Variants in SOX6 observed in about 807,000 individuals in gnomAD.
SOX6 encodes SRY-box transcription factor 6, also known as transcription factor SOX-6.
SOX6 carries 11 observed loss-of-function variants against 97.8 expected under a neutral mutation model. The observed-to-expected ratio is 0.11, with a 90% confidence interval of 0.07 to 0.19. The LOEUF (loss-of-function observed/expected upper bound fraction) is 0.19. SOX6 is among the 10% of genes least tolerant of loss of function. SOX6 has a pLI of 1.00. For missense variants in SOX6, 810 were observed against 1,039.5 expected, an observed-to-expected ratio of 0.78 and a Z score of 3.04; for synonymous variants, 360 against 371.4, an observed-to-expected ratio of 0.97 and a Z score of 0.35.
At chr11:16,519,542 G>A (rs1253033254) in intron 4 of SOX6, among the ~76,000 whole-genome samples, 3 of 151,756 alleles carry the variant, frequency 2.0e-5, no homozygotes, top group African/African-American at 7.3e-5. Context: ...CTTTTTTATG[G>A]CTCAGTAGTA....
At chr11:16,681,343 G>A (rs1237571928) in intron 3 of SOX6, among the ~76,000 whole-genome samples, 1 of 152,092 alleles carries the variant, frequency 6.6e-6, no homozygotes, top group Non-Finnish European at 1.5e-5. Flanking sequence ...ACTGAACAAC[G>A]TGCTTCTGAA....
intron 2 of SOX6, among the ~76,000 whole-genome samples, chr11:16,337,917 T>G (rs990705802): frequency 6.6e-6 from 1 of 152,094 alleles, no homozygotes; most frequent in East Asian, 1.9e-4. Context: ...TTTTCACATT[T>G]AAAGATTTTT....
chr11:16,084,282 A>C (rs1848532975), intron 9 of SOX6, among the ~76,000 whole-genome samples: 1 of 152,098 alleles, frequency 6.6e-6, no homozygotes, highest in African/African-American at 2.4e-5. Context: ...CTATCACCTT[A>C]AAGTATTACT....
intron 15 of SOX6, among the ~76,000 whole-genome samples, chr11:15,977,565 G>T (rs1029585113): frequency 2.6e-5 from 4 of 151,414 alleles, no homozygotes; most frequent in Non-Finnish European, 5.9e-5. Flanking sequence ...CAATTCCATG[G>T]TTACTCACTC....
chr11:16,478,040 T>C (rs1231752742), upstream of SOX6, among the ~76,000 whole-genome samples: 1 of 152,198 alleles, frequency 6.6e-6, no homozygotes, highest in Non-Finnish European at 1.5e-5. Flanking sequence ...TCCAAAACCA[T>C]CAAAGAGTAC....
At position 16,529,592 on chromosome 11, in the gene SOX6, C is replaced by G. The variant is rs184552128; in HGVS notation, n.610-53204G>C. Reference sequence around the variant, plus strand: ...ATGTTGCTATCCAGCTAACCACTCACAATCTTCCAGTAAAATAAATAAGCT... The same window carrying G: ...ATGTTGCTATCCAGCTAACCACTCAGAATCTTCCAGTAAAATAAATAAGCT... On this transcript the variant is annotated intron_variant and non_coding_transcript_variant, in intron 4 of 5. Coordinates refer to the SOX6 transcript ENST00000524520. Among the ~76,000 whole-genome samples the G allele has an allele frequency of 3.7e-3, 564 of 152,220 alleles. 3 individuals are homozygous for G. The highest frequency in any genetic ancestry group is 0.013 in the African/African-American group (547 of 41,552).
At chr11:16,094,751 G>C (rs944479307) in intron 9 of SOX6, among the ~76,000 whole-genome samples, 2 of 151,868 alleles carry the variant, frequency 1.3e-5, no homozygotes, top group Non-Finnish European at 2.9e-5. Context: ...TCTTCTGTCT[G>C]TATAGAAGGC....
intron 3 of SOX6, among the ~76,000 whole-genome samples, chr11:16,637,365 C>A (rs866804979): frequency 6.6e-6 from 1 of 152,016 alleles, no homozygotes; most frequent in Non-Finnish European, 1.5e-5. Context: ...GGACTACAGG[C>A]GTGCACTACC....
At chr11:16,629,980 C>CT (rs897419968) in intron 3 of SOX6, among the ~76,000 whole-genome samples, 1 of 151,844 alleles carries the variant, frequency 6.6e-6, no homozygotes, top group Non-Finnish European at 1.5e-5. Context: ...TTATGTGAAT[C>CT]TTTTTTTTCT....
At chr11:16,341,994 A>G (rs573522431) in intron 1 of SOX6, among the ~76,000 whole-genome samples, 41 of 152,150 alleles carry the variant, frequency 2.7e-4, no homozygotes, top group African/African-American at 9.4e-4. Flanking sequence ...CTATACCTCT[A>G]TTTTATATTA....
intron 11 of SOX6, 29 bp downstream of exon 11, chr11:16,049,726 C>T: frequency 6.2e-7 from 1 of 1,612,314 alleles, no homozygotes. Context: ...ATTCGTAAGT[C>T]TCTTCCTGGT....
chr11:16,355,161 C>G (rs961927853), intron 1 of SOX6, among the ~76,000 whole-genome samples: 2 of 151,986 alleles, frequency 1.3e-5, no homozygotes, highest in African/African-American at 4.8e-5. Flanking sequence ...AGTTTGAGAT[C>G]ACTATTTCCA....
chr11:16,170,587 A>G (rs1046989881), intron 6 of SOX6, among the ~76,000 whole-genome samples: 2 of 152,010 alleles, frequency 1.3e-5, no homozygotes, highest in African/African-American at 4.8e-5. Flanking sequence ...TTTGGAAGCT[A>G]GCCCTGGCAA....
At chr11:16,209,288 C>T (rs938631702) in intron 4 of SOX6, among the ~76,000 whole-genome samples, 13 of 151,974 alleles carry the variant, frequency 8.6e-5, no homozygotes, top group Admixed American at 8.5e-4. Flanking sequence ...TTTCGGGGGT[C>T]TTCATTAGCT....
chr11:16,225,713 C>T (rs1852668462), intron 4 of SOX6, among the ~76,000 whole-genome samples: 1 of 152,144 alleles, frequency 6.6e-6, no homozygotes, highest in Admixed American at 6.6e-5. Context: ...GAATAACCTA[C>T]ACTATTTGAT....
chr11:16,578,086 AT>A (rs1293384455), intron 4 of SOX6, among the ~76,000 whole-genome samples: 1 of 152,076 alleles, frequency 6.6e-6, no homozygotes, highest in African/African-American at 2.4e-5. Flanking sequence ...TGTTGGGTTA[AT>A]TTTTTATATG....
chr11:16,265,863 T>C (rs1283369822), intron 3 of SOX6, among the ~76,000 whole-genome samples: 1 of 151,334 alleles, frequency 6.6e-6, no homozygotes, highest in Non-Finnish European at 1.5e-5. Flanking sequence ...AAATTAGTAA[T>C]CTTGTTGACA....
intron 4 of SOX6, among the ~76,000 whole-genome samples, chr11:16,523,709 G>C (rs892909131): frequency 4.0e-5 from 6 of 151,850 alleles, no homozygotes; most frequent in Admixed American, 2.6e-4. Flanking sequence ...TTTTTTGAAA[G>C]GATCAACAAA....
intron 2 of SOX6, among the ~76,000 whole-genome samples, chr11:16,329,213 T>C (rs1856202590): frequency 6.6e-6 from 1 of 152,178 alleles, no homozygotes; most frequent in South Asian, 2.1e-4. Context: ...TCCTAAATGT[T>C]ATTTCAATTC....
Sources: allele counts gnomAD v4.1 joint callset (sites outside exome capture counted in the v4.1 genomes callset), GRCh38; gene constraint gnomAD v4.1.1; transcripts MANE v1.5; gene names NCBI Gene and HGNC (gene_info 2026-07-23, HGNC 2026-07-21).